The following GYS2 variants were observed in gnomAD, a reference collection of about 807,000 sequenced individuals.
GYS2 encodes the protein glycogen [starch] synthase, liver.
GYS2 carries 80 observed loss-of-function variants against 85.6 expected under a neutral mutation model. That is an observed-to-expected ratio of 0.93 (90% CI 0.78 to 1.13). The LOEUF (loss-of-function observed/expected upper bound fraction) is 1.13, where lower values mean the gene tolerates loss of function less well. Ranked by LOEUF, GYS2 falls within the 50% of genes most tolerant of loss-of-function variation. GYS2 has a pLI of 0.00. For missense variants in GYS2, 881 were observed against 854.9 expected (o/e 1.03, Z -0.38); for synonymous variants, 328 against 300.7 (o/e 1.09, Z -0.94).
intron 11 of GYS2, among the ~76,000 whole-genome samples, chr12:21,557,349 G>A (rs1944192815): frequency 6.6e-6 from 1 of 152,178 alleles, no homozygotes; most frequent in African/African-American, 2.4e-5. Flanking sequence ...CACAGTGGAA[G>A]AAACCAGCTC....
At chr12:21,578,480 C>G (rs1431764027) in intron 2 of GYS2, among the ~76,000 whole-genome samples, 1 of 152,176 alleles carries the variant, frequency 6.6e-6, no homozygotes, top group Non-Finnish European at 1.5e-5. Context: ...AAAGTCACAG[C>G]CGTGTGTATT....
intron 2 of GYS2, 141 bp downstream of exon 2, chr12:21,580,201 A>T: frequency 2.5e-6 from 2 of 795,372 alleles, no homozygotes; most frequent in Non-Finnish European, 4.3e-6. Flanking sequence ...TCCATTTAAA[A>T]GCAAGTTCAT....
chr12:21,596,837 T>G (rs1318113961), intron 1 of GYS2, among the ~76,000 whole-genome samples: 1 of 152,030 alleles, frequency 6.6e-6, no homozygotes, highest in East Asian at 1.9e-4. Context: ...ATATGATCAT[T>G]TACCTTTAAA....
chr12:21,588,097 T>C (rs1944594036), intron 1 of GYS2, among the ~76,000 whole-genome samples: 3 of 152,314 alleles, frequency 2.0e-5, no homozygotes, highest in Middle Eastern at 6.8e-3. Context: ...AGGGGATGAC[T>C]CAAGAAATCC....
chr12:21,598,107 A>G (rs1944716294), intron 1 of GYS2, among the ~76,000 whole-genome samples: 1 of 152,082 alleles, frequency 6.6e-6, no homozygotes. Context: ...AGGCAGTTAG[A>G]TAGAAGGAAT....
intron 1 of GYS2, among the ~76,000 whole-genome samples, chr12:21,584,425 A>T (rs886090251): frequency 3.6e-5 from 5 of 138,576 alleles, no homozygotes; most frequent in African/African-American, 8.2e-5. Flanking sequence ...AATCAAGTGG[A>T]TAGGATGATC....
At chr12:21,562,477 G>A (rs1427168452) in intron 7 of GYS2, among the ~76,000 whole-genome samples, 5 of 152,064 alleles carry the variant, frequency 3.3e-5, no homozygotes, top group African/African-American at 7.2e-5. Flanking sequence ...ATTAGGATGC[G>A]TATTGTCATG....
chr12:21,600,622 G>T (rs891814087), intron 1 of GYS2, among the ~76,000 whole-genome samples: 14 of 152,122 alleles, frequency 9.2e-5, no homozygotes, highest in Non-Finnish European at 2.1e-4. Flanking sequence ...TAGAGCAGTT[G>T]TTCTTTACGG....
At chr12:21,542,014 A>T (rs994946145) in intron 13 of GYS2, among the ~76,000 whole-genome samples, 2 of 151,678 alleles carry the variant, frequency 1.3e-5, no homozygotes, top group Admixed American at 6.6e-5. Flanking sequence ...AGCTGCGTCC[A>T]TGTTGCTGCA....
intron 1 of GYS2, among the ~76,000 whole-genome samples, chr12:21,598,793 G>C (rs369684738): frequency 9.2e-5 from 14 of 152,080 alleles, no homozygotes; most frequent in African/African-American, 3.4e-4. Context: ...GTAGGTCATT[G>C]AATTTGAACT....
intron 4 of GYS2, among the ~76,000 whole-genome samples, chr12:21,571,340 G>A (rs1944382707): frequency 6.6e-6 from 1 of 152,142 alleles, no homozygotes; most frequent in South Asian, 2.1e-4. Context: ...TAAAATCTCT[G>A]TACAATAATT....
At chr12:21,551,606 C>G (rs12366443) in intron 11 of GYS2, among the ~76,000 whole-genome samples, 4,581 of 151,978 alleles carry the variant, frequency 0.03, 127 homozygotes, top group Non-Finnish European at 0.041. Context: ...TATATCTCAG[C>G]AGATCCATAA....
intron 12 of GYS2, among the ~76,000 whole-genome samples, chr12:21,544,636 G>A (rs935936970): frequency 3.3e-5 from 5 of 152,188 alleles, no homozygotes; most frequent in Admixed American, 6.5e-5. Flanking sequence ...TCAAAAGATA[G>A]TGCATTGCAA....
chr12:21,547,267 A>G (rs1272001892), intron 11 of GYS2, among the ~76,000 whole-genome samples: 1 of 152,192 alleles, frequency 6.6e-6, no homozygotes, highest in Admixed American at 6.6e-5. Flanking sequence ...ATTTTTAATG[A>G]GATAAATGAT....
chr12:21,559,566 A>C, intron 9 of GYS2, 85 bp downstream of exon 9: 1 of 810,442 alleles, frequency 1.2e-6, no homozygotes. Context: ...TTTGGAACAA[A>C]ATTAATAAGT....
At chr12:21,558,343 T>C in intron 10 of GYS2, 30 bp from the exon 11 acceptor site, 1 of 1,368,558 alleles carries the variant, frequency 7.3e-7, no homozygotes, top group Non-Finnish European at 1.0e-6. Context: ...GAAATATCAA[T>C]TGCGGAAAGA....
chr12:21,580,579 A>C, intron 1 of GYS2, 56 bp from the exon 2 acceptor site: 2 of 1,286,314 alleles, frequency 1.6e-6, no homozygotes, highest in Non-Finnish European at 2.3e-6. Context: ...TGTTTAAAGT[A>C]ATAAGGGATG....
intron 4 of GYS2, among the ~76,000 whole-genome samples, chr12:21,569,745 A>G (rs2136895796): frequency 6.6e-6 from 1 of 152,358 alleles, no homozygotes; most frequent in South Asian, 2.1e-4. Flanking sequence ...AGTTTCTGAC[A>G]TTATGTAAGT....
intron 11 of GYS2, among the ~76,000 whole-genome samples, chr12:21,550,148 G>C (rs1368052421): frequency 1.3e-5 from 2 of 152,036 alleles, no homozygotes; most frequent in African/African-American, 4.8e-5. Flanking sequence ...GAAGTTCCAG[G>C]CTCAACTTGT....
Sources: allele counts gnomAD v4.1 joint callset (sites outside exome capture counted in the v4.1 genomes callset), GRCh38; gene constraint gnomAD v4.1.1; transcripts MANE v1.5; gene names NCBI Gene and HGNC (gene_info 2026-07-23, HGNC 2026-07-21).